The following TRIM37 variants were observed in gnomAD, a reference collection of about 807,000 sequenced individuals.
TRIM37 encodes E3 ubiquitin-protein ligase TRIM37.
In TRIM37, 80 loss-of-function variants were observed where a neutral mutation model predicts 129.8. The observed-to-expected ratio is 0.62, with a 90% CI of 0.51 to 0.74. The LOEUF (loss-of-function observed/expected upper bound fraction) is 0.74. TRIM37 is among the 30% of genes least tolerant of loss of function. The probability of loss-of-function intolerance (pLI) is 0.00; values close to 1 mark genes in which losing one functional copy is unlikely to be tolerated. For missense variants in TRIM37, 1,054 were observed against 1,176.5 expected (o/e 0.90, Z 1.52); for synonymous variants, 389 against 387.1 (o/e 1.00, Z -0.06).
At chr17:58,997,208 TGTAA>T (rs2033097248), downstream of TRIM37, among the ~76,000 whole-genome samples, 1 of 152,214 alleles carries the variant, frequency 6.6e-6, no homozygotes, top group Non-Finnish European at 1.5e-5. Flanking sequence ...TCTGTGATTA[TGTAA>T]GGCATTAACA....
chr17:59,008,613 C>A (rs534093529), intron 22 of TRIM37, among the ~76,000 whole-genome samples: 2 of 152,122 alleles, frequency 1.3e-5, no homozygotes, highest in Admixed American at 6.5e-5. Flanking sequence ...AAGTCCAAAT[C>A]GGGCGGCCGG....
chr17:59,065,105 G>T (rs1292164409), intron 9 of TRIM37, among the ~76,000 whole-genome samples: 1 of 151,258 alleles, frequency 6.6e-6, no homozygotes, highest in African/African-American at 2.4e-5. Context: ...TTTCCTAAAA[G>T]AAAAAAAGGC....
chr17:59,070,695 G>A (rs2047741736), intron 9 of TRIM37, 128 bp downstream of exon 9: 9 of 1,074,264 alleles, frequency 8.4e-6, no homozygotes, highest in Non-Finnish European at 1.1e-5. Flanking sequence ...TGGGCAACAA[G>A]TGAGACCCTA....
chr17:58,983,448 T>G (rs1484119240), intron 24 of TRIM37: 2 of 152,814 alleles, frequency 1.3e-5, no homozygotes, highest in African/African-American at 4.8e-5. Flanking sequence ...TGCAGTGTTC[T>G]CTCTTAACGC....
intron 19 of TRIM37, among the ~76,000 whole-genome samples, chr17:59,022,060 AT>A (rs1353328169): frequency 6.6e-6 from 1 of 152,162 alleles, no homozygotes; most frequent in Admixed American, 6.5e-5. Flanking sequence ...ATAGGAGCAA[AT>A]AACATATAGT....
intron 19 of TRIM37, 99 bp from the exon 20 acceptor site, chr17:59,017,523 G>T: frequency 6.6e-7 from 1 of 1,520,802 alleles, no homozygotes; most frequent in Non-Finnish European, 9.1e-7. Context: ...TTGCATGGAA[G>T]CTGTTCTCTC....
At chr17:59,057,764 T>C (rs1224022295) in intron 12 of TRIM37, among the ~76,000 whole-genome samples, 1 of 152,148 alleles carries the variant, frequency 6.6e-6, no homozygotes, top group Non-Finnish European at 1.5e-5. Context: ...CCTCAGATGA[T>C]CCACCCTCCT....
At chr17:58,978,572 G>A (rs755502873), downstream of TRIM37, among the ~76,000 whole-genome samples, 2 of 152,230 alleles carry the variant, frequency 1.3e-5, no homozygotes, top group African/African-American at 2.4e-5. Context: ...TTAGCCAGGT[G>A]TGGTGGCGTA....
intron 18 of TRIM37, among the ~76,000 whole-genome samples, chr17:59,031,460 C>T (rs2037835527): frequency 6.6e-6 from 1 of 152,140 alleles, no homozygotes; most frequent in Non-Finnish European, 1.5e-5. Flanking sequence ...ATAACCTTTG[C>T]ACAGAAAACA....
chr17:59,093,776 C>G (rs573668303), intron 2 of TRIM37, among the ~76,000 whole-genome samples: 1 of 152,282 alleles, frequency 6.6e-6, no homozygotes, highest in East Asian at 1.9e-4. Context: ...CCTCCATATC[C>G]CGTCTCATAG....
rs745944780 is a variant in TRIM37, at chr17:59,015,604, A to G, written c.2576+6T>C. On this transcript the variant is annotated splice_donor_region_variant and intron_variant, in intron 21 of 23. Coordinates refer to ENST00000262294, the MANE Select transcript of TRIM37 (RefSeq NM_015294.6). Reference sequence around the variant, plus strand: ...ACCATTACATATACAAAACAACTTAATTTACCCCAAGGTGACCATTTTCCT... The same window carrying G: ...ACCATTACATATACAAAACAACTTAGTTTACCCCAAGGTGACCATTTTCCT... 3 of 1,614,018 alleles carry G rather than the reference A, an allele frequency of 1.9e-6. No individual in the cohort carries two copies. The South Asian group carries it at 3.3e-5, about 18-fold the overall frequency.
chr17:59,064,952 G>GAGGC (rs2146593269), intron 9 of TRIM37, among the ~76,000 whole-genome samples: 1 of 152,318 alleles, frequency 6.6e-6, no homozygotes, highest in South Asian at 2.1e-4. Context: ...TTGGGAGGCT[G>GAGGC]AGGCACGAGA....
downstream of TRIM37, chr17:58,982,623 C>CA: frequency 5.0e-6 from 2 of 400,988 alleles, no homozygotes; most frequent in Non-Finnish European, 9.0e-6. Flanking sequence ...ATCAAATAGA[C>CA]AAAAACAGCT....
At chr17:58,986,401 G>C (rs2031815301) in intron 24 of TRIM37, among the ~76,000 whole-genome samples, 2 of 151,290 alleles carry the variant, frequency 1.3e-5, no homozygotes, top group Admixed American at 6.6e-5. Flanking sequence ...GTTTCACCAT[G>C]TTGGCCAGGC....
chr17:59,053,726 A>G lies in TRIM37; in HGVS notation c.1200-2398T>C, dbSNP rs145994737. Among the ~76,000 whole-genome samples the G allele has an allele frequency of 3.7e-3, 567 of 152,338 alleles. 3 individuals are homozygous for G. The highest frequency in any genetic ancestry group is 5.7e-3 in the Non-Finnish European group (385 of 68,026). On this transcript the variant is annotated intron_variant, in intron 13 of 23. Coordinates refer to ENST00000262294, the MANE Select transcript of TRIM37 (RefSeq NM_015294.6). ...TATGGCTGAAGCATGAAATAGCAAT[A>G]AATTATTTCTCTTGGTGAATAGTTA...
chr17:59,053,421 T>C (rs1033190322), intron 13 of TRIM37, among the ~76,000 whole-genome samples: 1 of 152,334 alleles, frequency 6.6e-6, no homozygotes, highest in East Asian at 1.9e-4. Flanking sequence ...GGTGCTACTA[T>C]AGCATTATTT....
chr17:59,022,051 T>C (rs34507712), intron 19 of TRIM37, among the ~76,000 whole-genome samples: 27 of 152,080 alleles, frequency 1.8e-4, no homozygotes, highest in Non-Finnish European at 4.0e-4. Flanking sequence ...TAATACAGCA[T>C]AGGAGCAAAT....
chr17:58,971,505 T>C, the TRIM37 span, among the ~76,000 whole-genome samples: 1 of 152,210 alleles, frequency 6.6e-6, no homozygotes, highest in African/African-American at 2.4e-5. Context: ...CTGTTAGTTC[T>C]TTATGCAATG....
chr17:59,081,207 T>A lies in TRIM37; in HGVS notation c.382A>T (p.Thr128Ser), dbSNP rs1356289351. The change falls in exon 6 of 24, where the codon ACC becomes TCC. Residue 128 changes from threonine to serine, a missense_variant. By Grantham distance (58) the Thr-to-Ser change is moderately conservative. Transcript: ENST00000262294. The stretch of plus-strand genomic sequence containing the variant: ...TAAATTTCTGCCAAAGGTTTAAAGG[T>A]ATGTCCGCCATGCTATTTAAATTAG... ...ALWGGMHGGH[T>S]FKPLAEIYEQ... 2 of 1,613,716 alleles carry A rather than the reference T, an allele frequency of 1.2e-6. No individual in the cohort carries two copies. Among genetic ancestry groups the A allele is most frequent in the Admixed American group, 3.3e-5 (2 of 60,002 alleles).
Sources: gnomAD v4.1 joint callset for allele counts (sites outside exome capture counted in the v4.1 genomes callset) on GRCh38, gnomAD v4.1.1 for gene constraint, MANE v1.5 for transcripts, NCBI Gene and HGNC (gene_info 2026-07-23, HGNC 2026-07-21) for gene names.